SGIP1: variants seen among roughly 807,000 people sequenced by gnomAD.
SGIP1 encodes SH3GL interacting endocytic adaptor 1.
SGIP1 carries 38 observed loss-of-function variants against 107.5 expected under a neutral mutation model. The observed-to-expected ratio is 0.35, with a 90% confidence interval of 0.27 to 0.46. The LOEUF is 0.46. Ranked by LOEUF, SGIP1 falls within the 20% of genes least tolerant of loss-of-function variation. The probability of loss-of-function intolerance (pLI) is 1.00; values close to 1 mark genes in which losing one functional copy is unlikely to be tolerated. For missense variants in SGIP1, 929 were observed against 1,019.5 expected, an observed-to-expected ratio of 0.91 and a Z score of 1.21; for synonymous variants, 365 against 366.1, an observed-to-expected ratio of 1.00 and a Z score of 0.03.
At chr1:66,549,141 T>TTCCTGCCTTCCTG (rs1557849647) in intron 1 of SGIP1, among the ~76,000 whole-genome samples, 25 of 18,638 alleles carry the variant, frequency 1.3e-3, no homozygotes, top group African/African-American at 3.0e-3. Flanking sequence ...CTACCTGCCT[T>TTCCTGCCTTCCTG]CCTTCCTTCC....
intron 1 of SGIP1, among the ~76,000 whole-genome samples, chr1:66,575,560 T>C (rs146741679): frequency 0.014 from 2,174 of 152,290 alleles, 19 homozygotes; most frequent in Middle Eastern, 0.031. Flanking sequence ...ATTGACATTC[T>C]GTATGTGGCT....
At chr1:66,565,319 T>C (rs17129101) in intron 1 of SGIP1, among the ~76,000 whole-genome samples, 19,916 of 152,086 alleles carry the variant, frequency 0.13, 1,350 homozygotes, top group South Asian at 0.14. Context: ...CTCTTATTTT[T>C]GATGGCCTGA....
chr1:66,654,395 A>G (rs974134499), intron 7 of SGIP1, among the ~76,000 whole-genome samples: 1 of 152,174 alleles, frequency 6.6e-6, no homozygotes, highest in Non-Finnish European at 1.5e-5. Flanking sequence ...TTTCTCATCT[A>G]AAGCCTGAGG....
chr1:66,684,390 C>T (rs550938216), intron 15 of SGIP1, among the ~76,000 whole-genome samples: 119 of 152,324 alleles, frequency 7.8e-4, no homozygotes, highest in Non-Finnish European at 1.4e-3. Flanking sequence ...GCATCCATCT[C>T]CATCCCTCTA....
intron 1 of SGIP1, among the ~76,000 whole-genome samples, chr1:66,589,030 G>A (rs952375424): frequency 2.0e-5 from 3 of 150,808 alleles, no homozygotes; most frequent in Non-Finnish European, 4.4e-5. Context: ...TTCTCCAACA[G>A]TAAAACATGG....
chr1:66,608,834 C>G (rs750831343), intron 1 of SGIP1, among the ~76,000 whole-genome samples: 1 of 152,186 alleles, frequency 6.6e-6, no homozygotes, highest in Admixed American at 6.5e-5. Context: ...TCTCACCTTT[C>G]CTTCTGCTTC....
intron 1 of SGIP1, among the ~76,000 whole-genome samples, chr1:66,610,612 A>C (rs2067783875): frequency 6.6e-6 from 1 of 152,184 alleles, no homozygotes; most frequent in South Asian, 2.1e-4. Context: ...CTTTTTGCTT[A>C]AATTAGGATT....
intron 1 of SGIP1, among the ~76,000 whole-genome samples, chr1:66,572,903 T>C (rs2060570992): frequency 6.6e-6 from 1 of 152,110 alleles, no homozygotes; most frequent in Non-Finnish European, 1.5e-5. Flanking sequence ...TACATATACA[T>C]ATTATAACAG....
chr1:66,583,575 C>A (rs574353704), intron 1 of SGIP1, among the ~76,000 whole-genome samples: 3 of 152,232 alleles, frequency 2.0e-5, no homozygotes, highest in Admixed American at 6.5e-5. Flanking sequence ...CCTTTAAGCC[C>A]AAATACCCTT....
intron 13 of SGIP1, among the ~76,000 whole-genome samples, chr1:66,679,175 T>C (rs776285317): frequency 2.0e-5 from 3 of 152,208 alleles, no homozygotes; most frequent in African/African-American, 4.8e-5. Flanking sequence ...TTTTGAGAAA[T>C]CTTTCCCAAC....
chr1:66,631,652 G>T (rs7528240), intron 2 of SGIP1, among the ~76,000 whole-genome samples: 3 of 143,408 alleles, frequency 2.1e-5, no homozygotes, highest in African/African-American at 7.9e-5. Context: ...TCTCTGCATT[G>T]CTCTCTCTCT....
At chr1:66,610,602 C>CT (rs2067782127) in intron 1 of SGIP1, among the ~76,000 whole-genome samples, 1 of 152,100 alleles carries the variant, frequency 6.6e-6, no homozygotes, top group Admixed American at 6.6e-5. Context: ...AGAACAGGAA[C>CT]TTTTTGCTTA....
intron 1 of SGIP1, among the ~76,000 whole-genome samples, chr1:66,546,580 T>C (rs1267228401): frequency 2.0e-5 from 3 of 152,218 alleles, no homozygotes; most frequent in Admixed American, 6.5e-5. Context: ...CATTTATATA[T>C]TGAGCAAGAA....
At chr1:66,608,513 T>A (rs1049408185) in intron 1 of SGIP1, among the ~76,000 whole-genome samples, 1 of 152,220 alleles carries the variant, frequency 6.6e-6, no homozygotes, top group Non-Finnish European at 1.5e-5. Context: ...CATTGATCAT[T>A]GTTTAGAATA....
At position 66,750,804 on chromosome 1, in the gene SGIP1, G is replaced by A. The variant is rs2094612178; in HGVS notation, c.*7709G>A. Among the ~76,000 whole-genome samples, 1 of 152,210 alleles carries A rather than the reference G, an allele frequency of 6.6e-6. No homozygotes were observed. Among genetic ancestry groups the A allele is most frequent in the Non-Finnish European group, 1.5e-5 (1 of 68,042 alleles). ...TGCTCCTTCACAGAATTGCAGCAAA[G>A]CTCTCTGCTGGGCAATGGTGACAGG... On this transcript the variant is annotated 3_prime_UTR_variant, in exon 25 of 25. Transcript: ENST00000371037.
At chr1:66,743,037 C>T in intron 24 of SGIP1, 36 bp from the exon 25 acceptor site, 1 of 1,612,304 alleles carries the variant, frequency 6.2e-7, no homozygotes, top group Non-Finnish European at 8.5e-7. Context: ...TATTGAACTA[C>T]CAGATAACCT....
Position 66,729,507 on chromosome 1 carries a change from C to T in SGIP1, c.1898+88C>T, listed in dbSNP as rs561358483. The T allele has an allele frequency of 4.9e-5, 72 of 1,480,318 alleles. No homozygotes were observed. In the African/African-American group the frequency reaches 8.1e-4, roughly 17 times the overall value. The allele number at this position is 1,480,318 out of a possible 1,614,324, so 91.7% of individuals were successfully genotyped here. ...GAGGGATATATCTTAGCAACAGGGT[C>T]GCACTATAGTGAAATTACCACCACT... On this transcript the variant is annotated intron_variant, in intron 20 of 24. Transcript: ENST00000371037.
intron 1 of SGIP1, among the ~76,000 whole-genome samples, chr1:66,622,741 C>T (rs1477137063): frequency 6.6e-6 from 1 of 152,130 alleles, no homozygotes; most frequent in African/African-American, 2.4e-5. Flanking sequence ...CCCAGATTAT[C>T]AAGACAGTAA....
At chr1:66,633,175 T>A in intron 3 of SGIP1, 81 bp downstream of exon 3, 2 of 937,426 alleles carry the variant, frequency 2.1e-6, no homozygotes, top group Non-Finnish European at 3.4e-6. Context: ...CCTTTTTTTT[T>A]CCTGTAGGGA....
Sources: gnomAD v4.1 joint callset for allele counts (sites outside exome capture counted in the v4.1 genomes callset) on GRCh38, gnomAD v4.1.1 for gene constraint, MANE v1.5 for transcripts, NCBI Gene and HGNC (gene_info 2026-07-23, HGNC 2026-07-21) for gene names.